The following KSR2 variants were observed in gnomAD, a reference collection of about 807,000 sequenced individuals.
KSR2 encodes kinase suppressor of ras 2.
Under a neutral mutation model 107.8 loss-of-function variants are expected in KSR2, and 25 were observed. That is an observed-to-expected ratio of 0.23 (90% CI 0.17 to 0.32). The LOEUF (loss-of-function observed/expected upper bound fraction) is 0.32. Ranked by LOEUF, KSR2 falls within the 10% of genes least tolerant of loss-of-function variation. KSR2 has a pLI of 1.00. For synonymous variants in KSR2, 480 were observed against 507.0 expected (o/e 0.95, Z 0.71); for missense variants, 887 against 1,268.9 (o/e 0.70, Z 4.57).
rs139725353 is a variant in KSR2 at position 117,920,973 on chromosome 12, G to A, written c.180+47103C>T. On this transcript the variant is annotated intron_variant, in intron 1 of 19. Coordinates refer to ENST00000339824, the MANE Select transcript of KSR2 (RefSeq NM_173598.6). Reference sequence around the variant, plus strand: ...CTCTAAATTACAGCTATCTGCATACGGTTCTTAGTCTTGATACTAGTATTT... The same window carrying A: ...CTCTAAATTACAGCTATCTGCATACAGTTCTTAGTCTTGATACTAGTATTT... Among the ~76,000 whole-genome samples, 140 of 152,214 alleles carry A rather than the reference G, an allele frequency of 9.2e-4. 1 individual carries two copies. The East Asian group carries it at 0.021, about 23-fold the overall frequency.
At chr12:117,669,280 TATCCATCAGAGTTA>T (rs1884800694) in intron 4 of KSR2, among the ~76,000 whole-genome samples, 1 of 152,224 alleles carries the variant, frequency 6.6e-6, no homozygotes, top group African/African-American at 2.4e-5. Context: ...TGAGTGCAAG[TATCCATCAGAGTTA>T]AGCTTATGGC....
intron 1 of KSR2, among the ~76,000 whole-genome samples, chr12:117,943,422 A>G (rs1250309210): frequency 6.7e-6 from 1 of 149,548 alleles, no homozygotes; most frequent in East Asian, 2.0e-4. Flanking sequence ...AGAGATCCTA[A>G]CTGTGCACCA....
chr12:117,702,670 C>T (rs1886374617), intron 4 of KSR2, among the ~76,000 whole-genome samples: 1 of 152,172 alleles, frequency 6.6e-6, no homozygotes, highest in Non-Finnish European at 1.5e-5. Context: ...ACTATCTTCC[C>T]TATTAAGGAT....
chr12:117,918,061 T>C (rs998900007), intron 1 of KSR2, among the ~76,000 whole-genome samples: 1 of 152,196 alleles, frequency 6.6e-6, no homozygotes, highest in African/African-American at 2.4e-5. Context: ...GCTTATTTCC[T>C]CAGACTGAGG....
In KSR2 at chr12:117,463,260, G is replaced by C. The variant is rs1210579634; in HGVS notation, c.*3939C>G. 4 of 152,244 alleles carry C rather than the reference G, an allele frequency of 2.6e-5. No homozygotes were observed. The highest frequency in any genetic ancestry group is 5.9e-5 in the Non-Finnish European group (4 of 68,060). The allele number at this position is 152,244 out of a possible 1,614,324, so 9.4% of individuals were successfully genotyped here. A position where few individuals can be genotyped will look rare whatever the true frequency, so the allele number is the denominator to read the frequency against. On this transcript the variant is annotated 3_prime_UTR_variant, in exon 20 of 20. Transcript: ENST00000339824. ...TTCCGGAGGCAGCCCGCTGCATCTT[G>C]GGGCAAGCTGGCCTTCTTCCGCTGA...
intron 4 of KSR2, among the ~76,000 whole-genome samples, chr12:117,727,838 A>G (rs529574958): frequency 2.1e-4 from 32 of 152,362 alleles, no homozygotes; most frequent in African/African-American, 3.1e-4. Flanking sequence ...CCAATAAATG[A>G]TGGTATATTC....
At chr12:117,946,724 A>G (rs1351065326) in intron 1 of KSR2, among the ~76,000 whole-genome samples, 2 of 152,204 alleles carry the variant, frequency 1.3e-5, no homozygotes, top group Non-Finnish European at 2.9e-5. Flanking sequence ...AATTCTCAGC[A>G]AAATACTAAC....
At chr12:117,699,252 T>C (rs535720351) in intron 4 of KSR2, among the ~76,000 whole-genome samples, 3 of 152,352 alleles carry the variant, frequency 2.0e-5, no homozygotes, top group South Asian at 4.1e-4. Flanking sequence ...GAATCAATGG[T>C]ATGGCATTTA....
intron 3 of KSR2, among the ~76,000 whole-genome samples, chr12:117,792,512 A>C (rs555657590): frequency 6.6e-6 from 1 of 152,310 alleles, no homozygotes; most frequent in African/African-American, 2.4e-5. Flanking sequence ...TTCTCGCAAA[A>C]TTACAAGGGA....
chr12:117,688,683 C>T (rs1885686056), intron 4 of KSR2, among the ~76,000 whole-genome samples: 1 of 152,168 alleles, frequency 6.6e-6, no homozygotes, highest in South Asian at 2.1e-4. Context: ...TCCATAGAGG[C>T]TCGATCAGGT....
At chr12:117,735,175 A>C (rs961519188) in intron 4 of KSR2, among the ~76,000 whole-genome samples, 1 of 152,210 alleles carries the variant, frequency 6.6e-6, no homozygotes, top group East Asian at 1.9e-4. Flanking sequence ...TGGCCCTGCA[A>C]GGAATTGTTC....
At chr12:117,963,525 C>A (rs1224116351) in intron 1 of KSR2, among the ~76,000 whole-genome samples, 4 of 151,474 alleles carry the variant, frequency 2.6e-5, no homozygotes, top group African/African-American at 9.7e-5. Context: ...ATCTCTTGAG[C>A]CCTGGAGGTC....
At chr12:117,793,387 G>A (rs1011790771) in intron 3 of KSR2, among the ~76,000 whole-genome samples, 1 of 125,812 alleles carries the variant, frequency 7.9e-6, no homozygotes, top group Non-Finnish European at 1.6e-5. Context: ...ACACCACTGT[G>A]CACCCATACC....
chr12:117,556,114 C>T (rs1877678216), intron 8 of KSR2, among the ~76,000 whole-genome samples: 1 of 150,618 alleles, frequency 6.6e-6, no homozygotes, highest in African/African-American at 2.4e-5. Context: ...TTCCAACCAA[C>T]GGAGAGAAAA....
At chr12:117,583,319 G>A (rs1593018831) in intron 5 of KSR2, among the ~76,000 whole-genome samples, 1 of 150,092 alleles carries the variant, frequency 6.7e-6, no homozygotes, top group East Asian at 2.0e-4. Context: ...ATGGATAGAT[G>A]GGTGGGTGGA....
At chr12:117,819,765 T>G (rs1891497526) in intron 3 of KSR2, among the ~76,000 whole-genome samples, 1 of 152,138 alleles carries the variant, frequency 6.6e-6, no homozygotes, top group Non-Finnish European at 1.5e-5. Flanking sequence ...CCAATACTTA[T>G]GCAAATTCCC....
intron 4 of KSR2, among the ~76,000 whole-genome samples, chr12:117,743,446 C>G (rs1386519427): frequency 6.6e-6 from 1 of 152,212 alleles, no homozygotes; most frequent in African/African-American, 2.4e-5. Flanking sequence ...GAGAAAGCAG[C>G]AAATGTCTCC....
At chr12:117,584,404 G>A (rs1389514881) in intron 5 of KSR2, among the ~76,000 whole-genome samples, 1 of 152,142 alleles carries the variant, frequency 6.6e-6, no homozygotes, top group Non-Finnish European at 1.5e-5. Flanking sequence ...GGGTGGGAAT[G>A]GGAGGATGGC....
intron 5 of KSR2, among the ~76,000 whole-genome samples, chr12:117,597,042 T>C (rs1408294369): frequency 1.3e-5 from 2 of 152,226 alleles, no homozygotes; most frequent in Non-Finnish European, 2.9e-5. Flanking sequence ...CTGCCTTCTT[T>C]TTCTTTCCTA....
Sources: allele counts gnomAD v4.1 joint callset (sites outside exome capture counted in the v4.1 genomes callset), GRCh38; gene constraint gnomAD v4.1.1; transcripts MANE v1.5; gene names NCBI Gene and HGNC (gene_info 2026-07-23, HGNC 2026-07-21).